The following FAR2 variants were observed in gnomAD, a reference collection of about 807,000 sequenced individuals.
FAR2 encodes fatty acyl-CoA reductase 2, also known as epididymis secretory protein Li 81.
A neutral mutation model predicts 56.0 loss-of-function variants in FAR2; 19 were observed. That is an observed-to-expected ratio of 0.34 (90% CI 0.24 to 0.50). The LOEUF is 0.50. Among genes scored for constraint, FAR2 ranks in the 20% least tolerant of loss-of-function variants. The pLI is 0.98. For missense variants in FAR2, 508 were observed against 642.2 expected, an observed-to-expected ratio of 0.79 and a Z score of 2.26; for synonymous variants, 219 against 218.8, an observed-to-expected ratio of 1.00 and a Z score of -0.01.
chr12:29,217,644 TGATTG>T (rs1245380543), intron 1 of FAR2, among the ~76,000 whole-genome samples: 1 of 152,200 alleles, frequency 6.6e-6, no homozygotes, highest in Non-Finnish European at 1.5e-5. Flanking sequence ...ACTCAGTTCC[TGATTG>T]GATTGAAGTA....
chr12:29,186,607 T>C (rs1950042539), intron 1 of FAR2, among the ~76,000 whole-genome samples: 1 of 152,202 alleles, frequency 6.6e-6, no homozygotes, highest in East Asian at 1.9e-4. Flanking sequence ...GCCCATTTGA[T>C]AATTCCAGGC....
chr12:29,231,728 G>A (rs562861633), intron 1 of FAR2, among the ~76,000 whole-genome samples: 1 of 152,266 alleles, frequency 6.6e-6, no homozygotes, highest in African/African-American at 2.4e-5. Context: ...TCCCTCTGTT[G>A]AAAATGATGC....
rs4931172 is a variant in FAR2 at position 29,278,434 on chromosome 12, G to C, written c.189+7796G>C. Among the ~76,000 whole-genome samples the C allele has an allele frequency of 2.4e-3, 370 of 151,990 alleles. 1 individual carries two copies. Among genetic ancestry groups the C allele is most frequent in the Non-Finnish European group, 4.0e-3 (272 of 67,956 alleles). On this transcript the variant is annotated intron_variant, in intron 2 of 11. Transcript: ENST00000536681. ...TGTTCACTGCAGCCTCAACCTCCCG[G>C]GCTCACGTGATCCACCCACCTCAGC... is the stretch of plus-strand genomic sequence containing the variant.
chr12:29,158,853 C>T (rs890528842), intron 1 of FAR2, among the ~76,000 whole-genome samples: 27 of 152,198 alleles, frequency 1.8e-4, no homozygotes, highest in Admixed American at 9.2e-4. Flanking sequence ...GTCCTGAAGA[C>T]GTAAAGTGGC....
At chr12:29,253,054 G>C (rs558197147) in intron 1 of FAR2, among the ~76,000 whole-genome samples, 2 of 152,124 alleles carry the variant, frequency 1.3e-5, no homozygotes, top group African/African-American at 4.8e-5. Context: ...ATGTCCTTTG[G>C]ATTCAAACTG....
At chr12:29,231,816 A>T (rs1947862137) in intron 1 of FAR2, among the ~76,000 whole-genome samples, 1 of 152,164 alleles carries the variant, frequency 6.6e-6, no homozygotes, top group Admixed American at 6.5e-5. Flanking sequence ...CACTATGGAC[A>T]TCCTGAAGTT....
intron 1 of FAR2, among the ~76,000 whole-genome samples, chr12:29,165,670 CGAT>C (rs879815454): frequency 5.9e-5 from 9 of 151,996 alleles, no homozygotes; most frequent in Non-Finnish European, 1.3e-4. Context: ...TCTTCTTTTT[CGAT>C]GATCAAATTT....
intron 3 of FAR2, 42 bp downstream of exon 3, chr12:29,293,517 T>C (rs756305366): frequency 1.5e-6 from 2 of 1,324,280 alleles, no homozygotes; most frequent in Admixed American, 6.0e-5. Context: ...TACATATGTG[T>C]GCATGTAAAT....
At chr12:29,151,716 T>C (rs1022594748) in intron 1 of FAR2, 3 of 152,244 alleles carry the variant, frequency 2.0e-5, no homozygotes, top group African/African-American at 7.2e-5. Context: ...ACCTGAAATT[T>C]ATCTGCTGCT....
At chr12:29,151,438 T>C (rs1192638879) in intron 1 of FAR2, 1 of 152,230 alleles carries the variant, frequency 6.6e-6, no homozygotes, top group East Asian at 1.9e-4. Context: ...ACATTCTAGA[T>C]GTCCAGAGGC....
At chr12:29,313,549 C>G (rs1949389344) in intron 8 of FAR2, among the ~76,000 whole-genome samples, 1 of 152,010 alleles carries the variant, frequency 6.6e-6, no homozygotes, top group African/African-American at 2.4e-5. Context: ...TATAAATTAT[C>G]TGGATTTGTA....
At chr12:29,204,367 C>A (rs1041990437) in intron 1 of FAR2, among the ~76,000 whole-genome samples, 1 of 151,930 alleles carries the variant, frequency 6.6e-6, no homozygotes, top group African/African-American at 2.4e-5. Flanking sequence ...TGAAACAATG[C>A]CAAATTGCCA....
intron 1 of FAR2, among the ~76,000 whole-genome samples, chr12:29,198,340 T>A (rs1454991346): frequency 6.6e-6 from 1 of 152,178 alleles, no homozygotes; most frequent in Non-Finnish European, 1.5e-5. Context: ...GCCATTCTCC[T>A]GCCTCAGCCT....
At chr12:29,299,072 G>A (rs1160816229) in intron 4 of FAR2, among the ~76,000 whole-genome samples, 1 of 151,982 alleles carries the variant, frequency 6.6e-6, no homozygotes, top group Non-Finnish European at 1.5e-5. Flanking sequence ...AATTAGCTAG[G>A]TGTGGTGGCA....
intron 2 of FAR2, among the ~76,000 whole-genome samples, chr12:29,290,618 G>T (rs1204935743): frequency 6.6e-6 from 1 of 152,156 alleles, no homozygotes; most frequent in Admixed American, 6.5e-5. Flanking sequence ...ATCAATAGAT[G>T]AATGGATAAA....
intron 1 of FAR2, among the ~76,000 whole-genome samples, chr12:29,178,886 T>C (rs1176680193): frequency 6.6e-6 from 1 of 152,198 alleles, no homozygotes; most frequent in Non-Finnish European, 1.5e-5. Flanking sequence ...ACAGCAGACA[T>C]GCATTTTCTC....
At chr12:29,268,265 A>G (rs531119666) in intron 1 of FAR2, among the ~76,000 whole-genome samples, 1 of 152,262 alleles carries the variant, frequency 6.6e-6, no homozygotes, top group Non-Finnish European at 1.5e-5. Flanking sequence ...CCCTGTCCAC[A>G]TAGGCAGTTG....
intron 6 of FAR2, 39 bp downstream of exon 6, chr12:29,309,269 G>T: frequency 6.7e-7 from 1 of 1,488,260 alleles, no homozygotes; most frequent in Non-Finnish European, 9.3e-7. Flanking sequence ...CTGAAATGTA[G>T]TAGAGAAATA....
chr12:29,243,454 T>C (rs1948070913), intron 1 of FAR2, among the ~76,000 whole-genome samples: 1 of 152,178 alleles, frequency 6.6e-6, no homozygotes, highest in South Asian at 2.1e-4. Flanking sequence ...TATTTCTCAT[T>C]TGTAAATTCA....
Sources: allele counts gnomAD v4.1 joint callset (sites outside exome capture counted in the v4.1 genomes callset), GRCh38; gene constraint gnomAD v4.1.1; transcripts MANE v1.5; gene names NCBI Gene and HGNC (gene_info 2026-07-23, HGNC 2026-07-21).